The following DCAF6 variants were observed in gnomAD, a reference collection of about 807,000 sequenced individuals.
DCAF6 encodes the protein DDB1 and CUL4 associated factor 6.
DCAF6 carries 54 observed loss-of-function variants against 125.1 expected under a neutral mutation model. The ratio of observed to expected loss-of-function variants is 0.43; its 90% CI spans 0.35 to 0.54. The LOEUF (loss-of-function observed/expected upper bound fraction) is 0.54, where lower values mean the gene tolerates loss of function less well. Ranked by LOEUF, DCAF6 falls within the 20% of genes least tolerant of loss-of-function variation. DCAF6 has a pLI of 0.01. For synonymous variants in DCAF6, 371 were observed against 390.4 expected, an observed-to-expected ratio of 0.95 and a Z score of 0.58; for missense variants, 934 against 1,161.7, an observed-to-expected ratio of 0.80 and a Z score of 2.85.
the DCAF6 span, among the ~76,000 whole-genome samples, chr1:167,926,702 A>G: frequency 6.6e-6 from 1 of 152,202 alleles, no homozygotes; most frequent in East Asian, 1.9e-4. Context: ...TGCGCAGGAC[A>G]GCCGCTCCCA....
At chr1:168,004,106 G>A (rs973912771) in intron 9 of DCAF6, 117 bp downstream of exon 9, 8 of 1,256,460 alleles carry the variant, frequency 6.4e-6, no homozygotes, top group African/African-American at 4.5e-5. Context: ...TAATCACAAG[G>A]TTCTTATTGT....
chr1:168,044,881 C>A lies in DCAF6; in HGVS notation c.1931-19C>A. ...TGCCCACATTACCACCTGTTACATACAACTTTATTTTCTGACAGCACAATC... is the reference window on the plus strand; with the variant it reads ...TGCCCACATTACCACCTGTTACATAAAACTTTATTTTCTGACAGCACAATC... On this transcript the variant is annotated intron_variant, in intron 15 of 21. Transcript: ENST00000367840. The A allele has an allele frequency of 6.2e-7, 1 of 1,609,354 alleles. No homozygotes were observed. Among genetic ancestry groups the A allele is most frequent in the East Asian group, 2.2e-5 (1 of 44,862 alleles).
intron 7 of DCAF6, among the ~76,000 whole-genome samples, chr1:167,997,703 A>T (rs1681953424): frequency 1.3e-5 from 2 of 152,172 alleles, no homozygotes; most frequent in Non-Finnish European, 2.9e-5. Context: ...AGAGTGACCC[A>T]CAGGATGGGA....
the DCAF6 span, among the ~76,000 whole-genome samples, chr1:167,868,649 A>G: frequency 6.6e-6 from 1 of 152,188 alleles, no homozygotes; most frequent in African/African-American, 2.4e-5. Flanking sequence ...TGTTATTGGC[A>G]CTATTAAACC....
At chr1:168,053,254 T>G (rs946645298) in intron 17 of DCAF6, among the ~76,000 whole-genome samples, 1 of 152,210 alleles carries the variant, frequency 6.6e-6, no homozygotes, top group Non-Finnish European at 1.5e-5. Flanking sequence ...TTTTCATATA[T>G]AAGAATGTAA....
chr1:167,998,855 A>G (rs912553108), intron 7 of DCAF6: 3 of 152,636 alleles, frequency 2.0e-5, no homozygotes, highest in Non-Finnish European at 2.9e-5. Flanking sequence ...GAAGTCTTCT[A>G]CCCCTCAAAG....
chr1:167,906,757 C>G, the DCAF6 span, among the ~76,000 whole-genome samples: 1 of 152,014 alleles, frequency 6.6e-6, no homozygotes, highest in African/African-American at 2.4e-5. Flanking sequence ...TCACTGCACT[C>G]TATCCTAGGT....
the DCAF6 span, among the ~76,000 whole-genome samples, chr1:167,899,854 C>T: frequency 6.6e-6 from 1 of 152,224 alleles, no homozygotes; most frequent in Non-Finnish European, 1.5e-5. Context: ...TTTTGCCTGT[C>T]TGTAACATTA....
Position 168,028,452 on chromosome 1 carries a change from T to C in DCAF6, c.1609+5405T>C, listed in dbSNP as rs1465439635. On this transcript the variant is annotated intron_variant, in intron 12 of 21. Transcript: ENST00000367840. ...GATTCCATTAAGTGGAAGTTGACAG[T>C]GCCATCGAGTTTGAAACTTACGTCT... Among the ~76,000 whole-genome samples the C allele has an allele frequency of 2.0e-5, 3 of 152,214 alleles. 1 individual carries two copies. Among genetic ancestry groups the C allele is most frequent in the African/African-American group, 7.2e-5 (3 of 41,468 alleles).
chr1:167,894,617 A>G, the DCAF6 span, among the ~76,000 whole-genome samples: 1 of 151,084 alleles, frequency 6.6e-6, no homozygotes, highest in African/African-American at 2.5e-5. Flanking sequence ...ATGTGAAAAA[A>G]AATGTGTGTG....
At position 168,063,714 on chromosome 1, in the gene DCAF6, G is replaced by A. The variant is rs760189815; in HGVS notation, c.2394G>A (p.Pro798=). The part of the protein sequence containing the change: ...EELDTLNIRR[P]LVKMVYKGHR... The stretch of plus-strand genomic sequence containing the variant: ...TGGATACTTTGAACATTAGAAGGCC[G>A]CTAGTAAAAATGGTTTATAAAGGCC... Residue 798 remains proline, a synonymous_variant, in exon 18 of 22, where the codon CCG becomes CCA. Transcript: ENST00000367840. 9 of 1,604,138 alleles carry A rather than the reference G, an allele frequency of 5.6e-6. No homozygotes were observed. Among genetic ancestry groups the A allele is most frequent in the South Asian group, 1.1e-5 (1 of 89,220 alleles).
At chr1:167,982,124 T>C (rs927699220) in intron 4 of DCAF6, among the ~76,000 whole-genome samples, 1 of 152,210 alleles carries the variant, frequency 6.6e-6, no homozygotes, top group African/African-American at 2.4e-5. Context: ...CTGAGATTAG[T>C]GGATGTGGAG....
chr1:168,049,801 G>A (rs1689659960), intron 16 of DCAF6, among the ~76,000 whole-genome samples: 2 of 150,160 alleles, frequency 1.3e-5, no homozygotes, highest in African/African-American at 2.4e-5. Flanking sequence ...GACTACAGGC[G>A]CCTGCCACCA....
At chr1:167,929,161 C>G in the DCAF6 span, among the ~76,000 whole-genome samples, 1 of 151,044 alleles carries the variant, frequency 6.6e-6, no homozygotes, top group Non-Finnish European at 1.5e-5. Context: ...GAGTTTGAGA[C>G]TAGCCTGACC....
intron 3 of DCAF6, among the ~76,000 whole-genome samples, chr1:167,970,089 T>C (rs12096322): frequency 0.03 from 4,560 of 152,274 alleles, 236 homozygotes; most frequent in African/African-American, 0.1. Context: ...CCTTTTCTTA[T>C]AATAGAGAAG....
At chr1:167,903,691 TGTATTA>T in the DCAF6 span, among the ~76,000 whole-genome samples, 1 of 152,192 alleles carries the variant, frequency 6.6e-6, no homozygotes, top group Admixed American at 6.5e-5. Flanking sequence ...TCAAATAGTC[TGTATTA>T]GTGAGGTTTG....
chr1:167,869,498 C>T, the DCAF6 span, among the ~76,000 whole-genome samples: 1 of 152,184 alleles, frequency 6.6e-6, no homozygotes, highest in African/African-American at 2.4e-5. Context: ...AGAAGCGAAA[C>T]TAAAGGCAGG....
chr1:167,928,720 A>G, the DCAF6 span, among the ~76,000 whole-genome samples: 2 of 152,276 alleles, frequency 1.3e-5, no homozygotes, highest in African/African-American at 4.8e-5. Flanking sequence ...ATAGGAGAGC[A>G]TAAAAATAGA....
In DCAF6 at chr1:168,045,152, T is replaced by C. The variant is rs989124162; in HGVS notation, c.2183T>C (p.Leu728Pro). Residue 728 changes from leucine to proline, a missense_variant, in exon 16 of 22, where the codon CTT becomes CCT. Leu to Pro is a moderately conservative substitution (Grantham distance 98). Coordinates refer to ENST00000367840, the MANE Select transcript of DCAF6 (RefSeq NM_001198956.2). ...GAAACATCCACCAGGGACTCTGCTC[T>C]TCAGGACACAGATGACAGTGATGAT... ...HEETSTRDSA[L>P]QDTDDSDDDP... 1.9e-6 allele frequency: 3 copies of C among 1,613,870 alleles called. No homozygotes were observed. The highest frequency in any genetic ancestry group is 2.5e-6 in the Non-Finnish European group (3 of 1,179,936).
Sources: allele counts gnomAD v4.1 joint callset (sites outside exome capture counted in the v4.1 genomes callset), GRCh38; gene constraint gnomAD v4.1.1; transcripts MANE v1.5; gene names NCBI Gene and HGNC (gene_info 2026-07-23, HGNC 2026-07-21).